The following CDH4 variants were observed in gnomAD, a reference collection of about 807,000 sequenced individuals.
CDH4 encodes the protein cadherin-4.
CDH4 carries 33 observed loss-of-function variants against 86.0 expected under a neutral mutation model. That is an observed-to-expected ratio of 0.38 (90% CI 0.29 to 0.51). The LOEUF (loss-of-function observed/expected upper bound fraction) is 0.51. Among genes scored for constraint, CDH4 ranks in the 20% least tolerant of loss-of-function variants. CDH4 has a pLI of 0.86. For missense variants in CDH4, 1,114 were observed against 1,307.4 expected, an observed-to-expected ratio of 0.85 and a Z score of 2.28; for synonymous variants, 555 against 549.4, an observed-to-expected ratio of 1.01 and a Z score of -0.14.
intron 2 of CDH4, among the ~76,000 whole-genome samples, chr20:61,441,598 C>T (rs1420391058): frequency 6.6e-6 from 1 of 152,188 alleles, no homozygotes; most frequent in African/African-American, 2.4e-5. Flanking sequence ...CATGAGGACT[C>T]TGCCCTCAGG....
intron 2 of CDH4, among the ~76,000 whole-genome samples, chr20:61,455,500 G>A (rs6121534): frequency 4.6e-5 from 7 of 152,186 alleles, no homozygotes; most frequent in African/African-American, 1.4e-4. Context: ...GAAAAATTCA[G>A]TGAAGGATTT....
intron 2 of CDH4, among the ~76,000 whole-genome samples, chr20:61,506,725 T>C (rs1307021582): frequency 2.6e-5 from 4 of 152,140 alleles, no homozygotes; most frequent in Admixed American, 1.3e-4. Context: ...GACCTGCACG[T>C]TATGAGAGCA....
intron 2 of CDH4, among the ~76,000 whole-genome samples, chr20:61,572,328 T>A (rs1377807263): frequency 6.6e-6 from 1 of 152,224 alleles, no homozygotes; most frequent in Non-Finnish European, 1.5e-5. Flanking sequence ...TATTATTTAA[T>A]TCATGGGAAT....
chr20:61,678,166 TGATG>T (rs1290965316), intron 2 of CDH4, among the ~76,000 whole-genome samples: 2 of 151,524 alleles, frequency 1.3e-5, no homozygotes, highest in Non-Finnish European at 2.9e-5. Context: ...GGATGATGGA[TGATG>T]GATGGATGAT....
At chr20:61,693,344 GCT>G (rs2087679737) in intron 2 of CDH4, among the ~76,000 whole-genome samples, 1 of 152,246 alleles carries the variant, frequency 6.6e-6, no homozygotes, top group Non-Finnish European at 1.5e-5. Context: ...CCAATGCTGT[GCT>G]GGAAATGTGG....
At chr20:61,506,821 T>C (rs902542563) in intron 2 of CDH4, among the ~76,000 whole-genome samples, 5 of 152,164 alleles carry the variant, frequency 3.3e-5, no homozygotes, top group African/African-American at 1.2e-4. Flanking sequence ...AAGGAGAGGC[T>C]GCAGGGTGGT....
At chr20:61,265,971 T>TG (rs1365097553) in intron 2 of CDH4, among the ~76,000 whole-genome samples, 1 of 152,214 alleles carries the variant, frequency 6.6e-6, no homozygotes, top group African/African-American at 2.4e-5. Flanking sequence ...CAGGGTGAAC[T>TG]GCCTGGGAAG....
intron 9 of CDH4, among the ~76,000 whole-genome samples, chr20:61,915,456 G>A (rs2054894409): frequency 6.6e-6 from 1 of 152,206 alleles, no homozygotes; most frequent in African/African-American, 2.4e-5. Flanking sequence ...TCCTGAGGCA[G>A]CATGAAACTC....
intron 2 of CDH4, among the ~76,000 whole-genome samples, chr20:61,423,190 A>C (rs1193918470): frequency 6.6e-6 from 1 of 152,126 alleles, no homozygotes; most frequent in Non-Finnish European, 1.5e-5. Context: ...GATGGGACAG[A>C]CCCAGCATCT....
Position 61,383,161 on chromosome 20 carries a change from A to ATATATATGAATATATATGAATATAT in CDH4, c.169+128239_169+128240insATGAATATATTATATATGAATATAT, listed in dbSNP as rs2084915493. On this transcript the variant is annotated intron_variant, in intron 2 of 15. Coordinates refer to ENST00000614565, the MANE Select transcript of CDH4 (RefSeq NM_001794.5). ...ATATATGAATATATATGAATATATT[A>ATATATATGAATATATATGAATATAT]TATATATGAATATATTTATGAATAT... Among the ~76,000 whole-genome samples the ATATATATGAATATATATGAATATAT allele has an allele frequency of 2.3e-5, 2 of 86,624 alleles. 1 individual carries two copies. Among genetic ancestry groups the ATATATATGAATATATATGAATATAT allele is most frequent in the African/African-American group, 1.1e-4 (2 of 17,398 alleles). The allele number at this position is 86,624 out of a possible 152,430, so 56.8% of individuals were successfully genotyped here.
chr20:61,591,858 C>G (rs1196585420), intron 2 of CDH4, among the ~76,000 whole-genome samples: 1 of 152,182 alleles, frequency 6.6e-6, no homozygotes, highest in Non-Finnish European at 1.5e-5. Context: ...CCAGCCTCAT[C>G]AGAAAAGTCC....
rs149212182 is a variant in CDH4 at position 61,708,568 on chromosome 20, C to T, written c.170-34995C>T. Among the ~76,000 whole-genome samples, 1,731 of 152,276 alleles carry T rather than the reference C, an allele frequency of 0.011. 17 individuals carry two copies. Among genetic ancestry groups the T allele is most frequent in the Non-Finnish European group, 0.019 (1,274 of 68,014 alleles). Reference sequence around the variant, plus strand: ...GCTGCAGGCTCTTTGCCCCCCACTTCCCCAGCCCTGCTCCCTCCAGCCTCA... The same window carrying T: ...GCTGCAGGCTCTTTGCCCCCCACTTTCCCAGCCCTGCTCCCTCCAGCCTCA... On this transcript the variant is annotated intron_variant, in intron 2 of 15. Transcript: ENST00000614565. The surrounding 1 kb of genome is among the most constrained non-coding windows in gnomAD (Gnocchi z 4.5).
chr20:61,793,864 TAC>T (rs1568819331), intron 4 of CDH4, among the ~76,000 whole-genome samples: 5 of 127,590 alleles, frequency 3.9e-5, no homozygotes, highest in African/African-American at 1.2e-4. Flanking sequence ...AGAGGCCAGG[TAC>T]GGTGGCTCAC....
chr20:61,784,659 G>A (rs6089505), intron 4 of CDH4, among the ~76,000 whole-genome samples: 761 of 26,366 alleles, frequency 0.029, 125 homozygotes, highest in African/African-American at 0.13. Flanking sequence ...GACAGTTCTC[G>A]AGGCCCTCAG....
At chr20:61,771,010 CTTTTTTT>C (rs756131628) in intron 3 of CDH4, among the ~76,000 whole-genome samples, 1 of 130,376 alleles carries the variant, frequency 7.7e-6, no homozygotes, top group Non-Finnish European at 1.6e-5. Flanking sequence ...TTCTTTTTTT[CTTTTTTT>C]TTTTTTTTTT....
intron 2 of CDH4, among the ~76,000 whole-genome samples, chr20:61,727,381 A>C (rs1445975342): frequency 2.0e-5 from 3 of 151,976 alleles, no homozygotes; most frequent in Admixed American, 6.6e-5. Context: ...TGCCATCACT[A>C]TCTCTCTTAT....
intron 9 of CDH4, among the ~76,000 whole-genome samples, chr20:61,922,403 C>G (rs186491767): frequency 5.9e-5 from 9 of 152,282 alleles, no homozygotes; most frequent in Admixed American, 5.2e-4. Context: ...TAGCGTTTAT[C>G]AGCCAGGGTC....
chr20:61,252,449 C>T lies in CDH4; in HGVS notation c.-65C>T. 1.3e-6 allele frequency: 1 copy of T among 786,922 alleles called. No homozygotes were observed. The allele number at this position is 786,922 out of a possible 1,614,324, so 48.7% of individuals were successfully genotyped here. A position where few individuals can be genotyped will look rare whatever the true frequency, so the allele number is the denominator to read the frequency against. ...GGAGCGGCGGCGGTGGTCTCGGCGGCGGCGGCGGCGGCGGCGGCAGGGAGC... is the reference window on the plus strand; with the variant it reads ...GGAGCGGCGGCGGTGGTCTCGGCGGTGGCGGCGGCGGCGGCGGCAGGGAGC... On this transcript the variant is annotated 5_prime_UTR_variant, in exon 1 of 16. Coordinates refer to ENST00000614565, the MANE Select transcript of CDH4 (RefSeq NM_001794.5). This position sits in a 1 kb window ranked among gnomAD's most constrained non-coding sequence, Gnocchi z 4.4.
chr20:61,884,863 T>G (rs1984467662), intron 7 of CDH4, among the ~76,000 whole-genome samples: 1 of 152,074 alleles, frequency 6.6e-6, no homozygotes, highest in Non-Finnish European at 1.5e-5. Context: ...GGAGAGGGAC[T>G]CAGCCTGTAG....
Sources: allele counts gnomAD v4.1 joint callset (sites outside exome capture counted in the v4.1 genomes callset), GRCh38; gene constraint gnomAD v4.1.1; non-coding constraint Gnocchi (gnomAD v3.1); transcripts MANE v1.5; gene names NCBI Gene and HGNC (gene_info 2026-07-23, HGNC 2026-07-21).